The following HIVEP3 variants were observed in gnomAD, a reference collection of about 807,000 sequenced individuals.
HIVEP3 encodes the protein HIVEP zinc finger 3.
A neutral mutation model predicts 152.8 loss-of-function variants in HIVEP3; 49 were observed. The ratio of observed to expected loss-of-function variants is 0.32; its 90% CI spans 0.26 to 0.41. The LOEUF is 0.41. Ranked by LOEUF, HIVEP3 falls within the 10% of genes least tolerant of loss-of-function variation. The pLI is 1.00. For synonymous variants in HIVEP3, 1,269 were observed against 1,289.0 expected, an observed-to-expected ratio of 0.98 and a Z score of 0.33; for missense variants, 2,790 against 3,103.3, an observed-to-expected ratio of 0.90 and a Z score of 2.40.
intron 2 of HIVEP3, among the ~76,000 whole-genome samples, chr1:41,675,572 C>T (rs1352451093): frequency 6.6e-6 from 1 of 152,164 alleles, no homozygotes; most frequent in Non-Finnish European, 1.5e-5. Context: ...GTTTTGCTCA[C>T]CATGGAATCT....
intron 6 of HIVEP3, among the ~76,000 whole-genome samples, chr1:41,520,832 G>A (rs149347766): frequency 9.2e-5 from 14 of 152,320 alleles, no homozygotes; most frequent in African/African-American, 3.1e-4. Flanking sequence ...GGTTCTCCCT[G>A]CTTCTGATCT....
intron 1 of HIVEP3, among the ~76,000 whole-genome samples, chr1:41,903,051 C>T (rs966961274): frequency 6.6e-6 from 1 of 152,102 alleles, no homozygotes; most frequent in African/African-American, 2.4e-5. Flanking sequence ...TTATTATTAT[C>T]ACAGTACTGT....
At chr1:42,029,325 A>G (rs1480669466) in intron 1 of HIVEP3, among the ~76,000 whole-genome samples, 1 of 152,186 alleles carries the variant, frequency 6.6e-6, no homozygotes, top group Non-Finnish European at 1.5e-5. Flanking sequence ...GGCTTATTGA[A>G]AAGCATTTGG....
chr1:41,694,916 TA>T (rs1474209242), intron 2 of HIVEP3, among the ~76,000 whole-genome samples: 11 of 152,154 alleles, frequency 7.2e-5, no homozygotes, highest in Non-Finnish European at 1.6e-4. Flanking sequence ...TGTGGGACTC[TA>T]AAAACCTCGC....
At chr1:41,849,581 T>C (rs1013194924) in intron 1 of HIVEP3, among the ~76,000 whole-genome samples, 1 of 152,158 alleles carries the variant, frequency 6.6e-6, no homozygotes, top group Non-Finnish European at 1.5e-5. Flanking sequence ...ACAGGACTGT[T>C]CACCAAGCCA....
intron 2 of HIVEP3, among the ~76,000 whole-genome samples, chr1:41,639,206 G>T (rs1234602609): frequency 6.6e-6 from 1 of 152,218 alleles, no homozygotes; most frequent in African/African-American, 2.4e-5. Context: ...TAAGACATGG[G>T]TCACACATGG....
chr1:41,980,467 T>C (rs1645288170), intron 1 of HIVEP3, among the ~76,000 whole-genome samples: 1 of 152,190 alleles, frequency 6.6e-6, no homozygotes, highest in Non-Finnish European at 1.5e-5. Flanking sequence ...CTACCTATTA[T>C]ATGACTCTAT....
chr1:41,930,184 C>T (rs761847896), intron 1 of HIVEP3, among the ~76,000 whole-genome samples: 27 of 152,142 alleles, frequency 1.8e-4, no homozygotes, highest in Non-Finnish European at 3.5e-4. Flanking sequence ...AAAATTTACA[C>T]TTTATGGTGT....
At chr1:41,710,178 A>T (rs2124146976) in intron 1 of HIVEP3, among the ~76,000 whole-genome samples, 1 of 152,206 alleles carries the variant, frequency 6.6e-6, no homozygotes, top group East Asian at 1.9e-4. Context: ...CACATTTCTC[A>T]TCTGCACACT....
At chr1:41,786,874 C>T (rs1424715804) in intron 1 of HIVEP3, among the ~76,000 whole-genome samples, 1 of 151,612 alleles carries the variant, frequency 6.6e-6, no homozygotes, top group East Asian at 1.9e-4. Context: ...GCCTCAGACT[C>T]CCCGGTAGCT....
chr1:41,786,639 A>G (rs907598457), intron 1 of HIVEP3, among the ~76,000 whole-genome samples: 1 of 152,240 alleles, frequency 6.6e-6, no homozygotes, highest in African/African-American at 2.4e-5. Flanking sequence ...ATAGCCAGCA[A>G]AGCCTGAAAT....
intron 5 of HIVEP3, among the ~76,000 whole-genome samples, chr1:41,547,455 G>C (rs1643830885): frequency 6.6e-6 from 1 of 151,736 alleles, no homozygotes; most frequent in South Asian, 2.1e-4. Flanking sequence ...AGATGAAGAA[G>C]GGGAAATGGC....
chr1:41,828,578 C>T (rs1642870064), intron 1 of HIVEP3, among the ~76,000 whole-genome samples: 1 of 152,240 alleles, frequency 6.6e-6, no homozygotes, highest in African/African-American at 2.4e-5. Flanking sequence ...CTTTGGCTGA[C>T]TGAATCACTG....
chr1:41,538,052 A>C (rs1272735734), intron 5 of HIVEP3, among the ~76,000 whole-genome samples: 2 of 152,242 alleles, frequency 1.3e-5, no homozygotes, highest in African/African-American at 4.8e-5. Flanking sequence ...CGTAAAGCAA[A>C]GAGATGGAAA....
chr1:41,568,187 C>T (rs1644197611), intron 5 of HIVEP3, among the ~76,000 whole-genome samples: 1 of 152,162 alleles, frequency 6.6e-6, no homozygotes, highest in Non-Finnish European at 1.5e-5. Context: ...CTAGTAAATA[C>T]CTGGAGAAAA....
At chr1:41,527,588 TCA>T (rs777655208) in intron 5 of HIVEP3, among the ~76,000 whole-genome samples, 7 of 109,216 alleles carry the variant, frequency 6.4e-5, no homozygotes, top group East Asian at 6.2e-4. Flanking sequence ...ACTCAAGCAC[TCA>T]CACTCATTCG....
chr1:41,593,964 C>T (rs1057273800), intron 3 of HIVEP3, among the ~76,000 whole-genome samples: 4 of 152,294 alleles, frequency 2.6e-5, no homozygotes, highest in African/African-American at 7.2e-5. Context: ...ACCTGCAAAG[C>T]TGGTAACAGC....
intron 2 of HIVEP3, among the ~76,000 whole-genome samples, chr1:41,646,624 A>G (rs1030524706): frequency 1.3e-5 from 2 of 152,196 alleles, no homozygotes. Flanking sequence ...GGTGAGGCAC[A>G]AGGCAAAGCT....
chr1:41,779,944 ACCTCATTTC>A (rs1441506983), intron 1 of HIVEP3, among the ~76,000 whole-genome samples: 1 of 152,116 alleles, frequency 6.6e-6, no homozygotes, highest in East Asian at 1.9e-4. Context: ...GTCTCTCTAA[ACCTCATTTC>A]CCTCACTTCC....
Sources: allele counts gnomAD v4.1 joint callset (sites outside exome capture counted in the v4.1 genomes callset), GRCh38; gene constraint gnomAD v4.1.1; transcripts MANE v1.5; gene names NCBI Gene and HGNC (gene_info 2026-07-23, HGNC 2026-07-21).